DLGAP2: variants seen among roughly 807,000 people sequenced by gnomAD.
DLGAP2 encodes DLG associated protein 2.
In DLGAP2, 26 loss-of-function variants were observed where a neutral mutation model predicts 100.3. The observed-to-expected ratio is 0.26, with a 90% CI of 0.19 to 0.36. DLGAP2 has a LOEUF of 0.36. DLGAP2 is among the 10% of genes least tolerant of loss of function. The pLI, the probability that DLGAP2 is intolerant of heterozygous loss-of-function variation, is 1.00. For synonymous variants in DLGAP2, 886 were observed against 630.1 expected (o/e 1.41, Z -6.08); for missense variants, 1,858 against 1,453.2 (o/e 1.28, Z -4.53).
chr8:1,448,765 C>A (rs971149040), intron 3 of DLGAP2, among the ~76,000 whole-genome samples: 2 of 152,132 alleles, frequency 1.3e-5, no homozygotes, highest in South Asian at 4.1e-4. Flanking sequence ...GTTCTGCATT[C>A]CCGTTCCCCT....
intron 1 of DLGAP2, among the ~76,000 whole-genome samples, chr8:862,099 G>A (rs924375028): frequency 6.6e-6 from 1 of 152,088 alleles, no homozygotes; most frequent in Non-Finnish European, 1.5e-5. Context: ...GTCATTTCTT[G>A]GTTTCATGAG....
Position 787,343 on chromosome 8 carries a change from A to G in DLGAP2, c.18+49518A>G, listed in dbSNP as rs373155876. ...TGTGATGCTGAGGACCCTCCTTCCC[A>G]TGTTGTAGCAATCATATACCCCTGG... On this transcript the variant is annotated intron_variant, in intron 1 of 14. Coordinates refer to ENST00000637795, the MANE Select transcript of DLGAP2 (RefSeq NM_001346810.2). Among the ~76,000 whole-genome samples the G allele has an allele frequency of 2.6e-5, 4 of 152,232 alleles. No homozygotes were observed. In the South Asian group the frequency reaches 8.3e-4, roughly 32 times the overall value.
chr8:1,078,738 A>T (rs2701936), intron 2 of DLGAP2, among the ~76,000 whole-genome samples: 3,521 of 152,148 alleles, frequency 0.023, 131 homozygotes, highest in African/African-American at 0.081. Context: ...TGGCATTATA[A>T]CTCATTTCTT....
intron 2 of DLGAP2, chr8:1,002,486 T>G (rs560321151): frequency 1.3e-5 from 2 of 152,344 alleles, no homozygotes; most frequent in Admixed American, 6.5e-5. Flanking sequence ...TGCAGTAACT[T>G]GTGGAATGAC....
At chr8:1,037,456 C>CGGT (rs1563157516) in intron 2 of DLGAP2, among the ~76,000 whole-genome samples, 2 of 152,142 alleles carry the variant, frequency 1.3e-5, no homozygotes. Flanking sequence ...CAGGGCCTGG[C>CGGT]GGTGGCCTGG....
chr8:1,674,179 G>A (rs534799324), intron 10 of DLGAP2, among the ~76,000 whole-genome samples: 14 of 152,074 alleles, frequency 9.2e-5, no homozygotes, highest in African/African-American at 2.2e-4. Flanking sequence ...TCAGCCTCCC[G>A]AGTAGCTTGT....
intron 2 of DLGAP2, among the ~76,000 whole-genome samples, chr8:938,557 A>T (rs1183296783): frequency 1.3e-5 from 2 of 152,200 alleles, no homozygotes; most frequent in Admixed American, 1.3e-4. Flanking sequence ...GACCCAGCCT[A>T]CAAGGGCCTC....
In DLGAP2 at chr8:1,576,722, G is replaced by T. The variant is rs35512501; in HGVS notation, c.1442+10828G>T. 7.9e-5 allele frequency among the ~76,000 whole-genome samples: 12 copies of T among 151,984 alleles called. No homozygotes were observed. The South Asian group carries it at 2.5e-3, about 32-fold the overall frequency. On this transcript the variant is annotated intron_variant, in intron 6 of 14. Coordinates refer to ENST00000637795, the MANE Select transcript of DLGAP2 (RefSeq NM_001346810.2). Reference sequence around the variant, plus strand: ...CCCAGCACCATTTATTAAATAGGGAGTCCTTTCTCCATTTCTTGTTTTTGT... The same window carrying T: ...CCCAGCACCATTTATTAAATAGGGATTCCTTTCTCCATTTCTTGTTTTTGT...
chr8:938,472 G>A (rs1223431099), intron 2 of DLGAP2, among the ~76,000 whole-genome samples: 1 of 152,198 alleles, frequency 6.6e-6, no homozygotes, highest in African/African-American at 2.4e-5. Flanking sequence ...GACCAGGCCT[G>A]GACCCTGAGC....
chr8:1,328,940 A>G (rs1431270105), intron 3 of DLGAP2, among the ~76,000 whole-genome samples: 1 of 152,260 alleles, frequency 6.6e-6, no homozygotes, highest in African/African-American at 2.4e-5. Flanking sequence ...CCTCTGCAGC[A>G]CTAACACTCT....
At chr8:889,682 C>T (rs141076983) in intron 1 of DLGAP2, among the ~76,000 whole-genome samples, 4 of 152,274 alleles carry the variant, frequency 2.6e-5, no homozygotes, top group Admixed American at 6.5e-5. Context: ...AAATGGGTGC[C>T]GGGGAGTTTA....
intron 12 of DLGAP2, among the ~76,000 whole-genome samples, chr8:1,683,892 GTGTGTA>G (rs1663307507): frequency 9.7e-6 from 1 of 103,274 alleles, no homozygotes; most frequent in African/African-American, 4.1e-5. Context: ...GTGTGTGTGT[GTGTGTA>G]TACACATATA....
intron 7 of DLGAP2, among the ~76,000 whole-genome samples, chr8:1,629,949 T>A (rs1431789789): frequency 6.6e-6 from 1 of 152,190 alleles, no homozygotes. Context: ...TCTACCAAAA[T>A]AAGTCAGTGA....
intron 6 of DLGAP2, among the ~76,000 whole-genome samples, chr8:1,584,758 C>T (rs932754936): frequency 2.4e-4 from 36 of 152,126 alleles, no homozygotes; most frequent in Non-Finnish European, 4.3e-4. Context: ...CCACACCCGG[C>T]GGACCCAACA....
At chr8:1,294,932 C>T (rs1267445879) in intron 3 of DLGAP2, among the ~76,000 whole-genome samples, 2 of 150,932 alleles carry the variant, frequency 1.3e-5, no homozygotes, top group Admixed American at 6.6e-5. Context: ...CAGTTGATGA[C>T]TTGTATATTG....
At chr8:1,306,074 C>CAAAAAAAAAAAAAA (rs61647224) in intron 3 of DLGAP2, among the ~76,000 whole-genome samples, 150 of 116,356 alleles carry the variant, frequency 1.3e-3, no homozygotes, top group East Asian at 3.5e-3. Context: ...AGAAATTAGG[C>CAAAAAAAAAAAAAA]AAAAAAAAAA....
At chr8:1,363,843 G>C (rs1251443065) in intron 3 of DLGAP2, among the ~76,000 whole-genome samples, 1 of 152,148 alleles carries the variant, frequency 6.6e-6, no homozygotes, top group Non-Finnish European at 1.5e-5. Flanking sequence ...TGGCAGGCCT[G>C]GCCTTGGCCT....
chr8:1,522,758 G>A (rs775945876), intron 4 of DLGAP2, among the ~76,000 whole-genome samples: 21 of 152,134 alleles, frequency 1.4e-4, no homozygotes, highest in Non-Finnish European at 2.4e-4. Flanking sequence ...CAAATTACAC[G>A]CGCCAAGTGG....
At chr8:934,828 C>A (rs542937332) in intron 2 of DLGAP2, among the ~76,000 whole-genome samples, 1 of 152,148 alleles carries the variant, frequency 6.6e-6, no homozygotes, top group Non-Finnish European at 1.5e-5. Context: ...ACAGATCAGA[C>A]GCACAGGTGT....
Sources: allele counts gnomAD v4.1 joint callset (sites outside exome capture counted in the v4.1 genomes callset), GRCh38; gene constraint gnomAD v4.1.1; transcripts MANE v1.5; gene names NCBI Gene and HGNC (gene_info 2026-07-23, HGNC 2026-07-21).